DMD: variants seen among roughly 807,000 people sequenced by gnomAD.
DMD encodes mutant dystrophin.
In DMD, 63 loss-of-function variants were observed where a neutral mutation model predicts 330.1. The observed-to-expected ratio is 0.19, with a 90% CI of 0.16 to 0.24. The LOEUF is 0.24. Among genes scored for constraint, DMD ranks in the 10% least tolerant of loss-of-function variants. The probability of loss-of-function intolerance (pLI) is 1.00; values close to 1 mark genes in which losing one functional copy is unlikely to be tolerated. For missense variants in DMD, 3,344 were observed against 2,684.1 expected, an observed-to-expected ratio of 1.25 and a Z score of -5.43; for synonymous variants, 1,223 against 959.8, an observed-to-expected ratio of 1.27 and a Z score of -5.07.
At chrX:31,697,217 T>A in intron 52 of DMD, among the ~76,000 whole-genome samples, 1 of 111,613 alleles carries the variant, frequency 9.0e-6, no homozygotes, top group Non-Finnish European at 1.9e-5. Context: ...ATTATGGCAA[T>A]GTATTTGGCC....
In DMD at chrX:32,645,091, A is replaced by T. The variant is rs1277939640; in HGVS notation, c.1022T>A (p.Leu341Gln). 4 of 1,211,825 alleles carry T rather than the reference A, an allele frequency of 3.3e-6. No individual in the cohort carries two copies. Among genetic ancestry groups the T allele is most frequent in the South Asian group, 1.8e-5 (1 of 57,004 alleles). The change falls in exon 10 of 79, where the codon CTG becomes CAG. Residue 341 changes from leucine to glutamine, a missense_variant. Coordinates refer to ENST00000357033, the MANE Select transcript of DMD (RefSeq NM_004006.3). Reference protein sequence around the residue: ...GSSLMESEVNLDRYQTALEEV... With the variant: ...GSSLMESEVNQDRYQTALEEV... ...TTCTAAAGCTGTTTGATAACGGTCC[A>T]GGTTTACTTCACTCTCCATCAATGA...
At chrX:33,243,634 T>G (rs985895136) in intron 1 of DMD, among the ~76,000 whole-genome samples, 31 of 112,254 alleles carry the variant, frequency 2.8e-4, no homozygotes, top group Admixed American at 9.4e-5. Context: ...ATAGCAAATA[T>G]ATAGAATTTA....
intron 51 of DMD, among the ~76,000 whole-genome samples, chrX:31,760,578 C>T (rs35357841): frequency 0.26 from 29,064 of 110,997 alleles, 2,742 homozygotes; most frequent in East Asian, 0.45. Context: ...CTATACCATA[C>T]AACCTAGATG....
intron 60 of DMD, among the ~76,000 whole-genome samples, chrX:31,435,249 C>T (rs1265097687): frequency 8.9e-6 from 1 of 111,854 alleles, no homozygotes; most frequent in African/African-American, 3.3e-5. Flanking sequence ...GGTAAGTTCT[C>T]ACTATTAATC....
chrX:31,582,231 ATT>A (rs2076375203), intron 55 of DMD, among the ~76,000 whole-genome samples: 2 of 111,993 alleles, frequency 1.8e-5, no homozygotes, highest in Admixed American at 1.9e-4. Context: ...GTTTGAGGTT[ATT>A]TTTAAAGAAA....
At chrX:32,658,116 G>A (rs10522010) in intron 9 of DMD, among the ~76,000 whole-genome samples, 10,975 of 110,966 alleles carry the variant, frequency 0.099, 1,239 homozygotes, top group African/African-American at 0.33. Context: ...TGAGCTATGA[G>A]GAGAACCTAA....
intron 2 of DMD, among the ~76,000 whole-genome samples, chrX:32,871,475 T>C (rs758883107): frequency 9.0e-6 from 1 of 111,259 alleles, no homozygotes; most frequent in African/African-American, 3.3e-5. Flanking sequence ...AGCGTGCTAC[T>C]ATAAAAATAC....
At chrX:32,363,452 A>T (rs766913148) in intron 36 of DMD, among the ~76,000 whole-genome samples, 1 of 112,054 alleles carries the variant, frequency 8.9e-6, no homozygotes, top group East Asian at 2.8e-4. Flanking sequence ...TAAGAAAAAA[A>T]GTGATTTTCT....
intron 53 of DMD, among the ~76,000 whole-genome samples, chrX:31,663,803 C>T (rs892504588): frequency 2.7e-5 from 3 of 111,240 alleles, no homozygotes; most frequent in African/African-American, 9.8e-5. Flanking sequence ...CAATAATCTG[C>T]ACTCTATCAT....
rs1231520165 is a variant in DMD, at chrX:31,427,363, T to C, written c.9084+17118A>G. On this transcript the variant is annotated intron_variant, in intron 60 of 78. Transcript: ENST00000357033. ...ATTTATTGCTAACTCTTCTGCACAT[T>C]AATATCATTTCTGGGGGGCTCACAT... Among the ~76,000 whole-genome samples the C allele has an allele frequency of 2.7e-5, 3 of 111,625 alleles. No individual in the cohort carries two copies. The East Asian group carries it at 8.5e-4, about 32-fold the overall frequency.
At chrX:32,311,820 A>AT (rs1325471562) in intron 41 of DMD, among the ~76,000 whole-genome samples, 1 of 111,921 alleles carries the variant, frequency 8.9e-6, no homozygotes, top group Non-Finnish European at 1.9e-5. Flanking sequence ...TGAATGTGAA[A>AT]TTTTCACTGA....
At chrX:33,339,249 A>G in intron 1 of DMD, 8 of 1,027,328 alleles carry the variant, frequency 7.8e-6, no homozygotes, top group Non-Finnish European at 1.0e-5. Context: ...AATAGCTTTA[A>G]TAATCCTACC....
chrX:31,387,113 T>A (rs1245600237), intron 60 of DMD, among the ~76,000 whole-genome samples: 3 of 111,887 alleles, frequency 2.7e-5, no homozygotes, highest in Non-Finnish European at 5.6e-5. Flanking sequence ...TGCTTACAAA[T>A]CCAGCTGTGA....
At chrX:31,482,546 T>C (rs898377360) in intron 57 of DMD, among the ~76,000 whole-genome samples, 3 of 110,046 alleles carry the variant, frequency 2.7e-5, no homozygotes, top group African/African-American at 1.0e-4. Flanking sequence ...GGTGACCAAG[T>C]GAGTCCAATG....
In DMD at chrX:31,608,179, T is replaced by C. The variant is rs1183799464; in HGVS notation, c.8217+19494A>G. 2.7e-5 allele frequency among the ~76,000 whole-genome samples: 3 copies of C among 111,998 alleles called. No individual in the cohort carries two copies. The East Asian group carries it at 8.4e-4, about 31-fold the overall frequency. On this transcript the variant is annotated intron_variant, in intron 55 of 78. Transcript: ENST00000357033. ...AGTTCATGTTCACTATTTTCATATA[T>C]CTCACAAACCCAAGTATCAGTTCAG...
At chrX:31,443,819 A>C (rs1251568682) in intron 60 of DMD, among the ~76,000 whole-genome samples, 1 of 111,900 alleles carries the variant, frequency 8.9e-6, no homozygotes, top group Non-Finnish European at 1.9e-5. Context: ...AAGGAACTGC[A>C]TGGTGGCAAT....
intron 34 of DMD, among the ~76,000 whole-genome samples, chrX:32,379,723 A>C (rs2097917369): frequency 9.0e-6 from 1 of 111,531 alleles, no homozygotes; most frequent in African/African-American, 3.3e-5. Context: ...CCCAACTTTG[A>C]ATAATCTGGA....
chrX:32,927,131 C>G (rs2146642695), intron 2 of DMD, among the ~76,000 whole-genome samples: 1 of 111,140 alleles, frequency 9.0e-6, no homozygotes, highest in East Asian at 2.8e-4. Context: ...ACTTCGTCTA[C>G]TGGGAAGGTA....
chrX:31,338,560 T>G (rs1310303503), intron 61 of DMD, among the ~76,000 whole-genome samples: 7 of 110,862 alleles, frequency 6.3e-5, no homozygotes, highest in Non-Finnish European at 1.3e-4. Context: ...AGTGAGTCTC[T>G]TCCTTCCCAC....
Sources: allele counts gnomAD v4.1 joint callset (sites outside exome capture counted in the v4.1 genomes callset), GRCh38; gene constraint gnomAD v4.1.1; transcripts MANE v1.5; gene names NCBI Gene and HGNC (gene_info 2026-07-23, HGNC 2026-07-21).